Variants in AR observed in about 807,000 individuals in gnomAD.
AR encodes the protein androgen receptor.
A neutral mutation model predicts 53.9 loss-of-function variants in AR; 8 were observed. The observed-to-expected ratio is 0.15, with a 90% CI of 0.09 to 0.27. The LOEUF is 0.27. AR is among the 10% of genes least tolerant of loss of function. The probability of loss-of-function intolerance (pLI) is 1.00; values close to 1 mark genes in which losing one functional copy is unlikely to be tolerated. For synonymous variants in AR, 359 were observed against 316.4 expected (o/e 1.13, Z -1.43); for missense variants, 639 against 742.5 (o/e 0.86, Z 1.62).
At chrX:67,667,925 C>T (rs1465388342) in intron 2 of AR, among the ~76,000 whole-genome samples, 2 of 111,855 alleles carry the variant, frequency 1.8e-5, no homozygotes, top group Admixed American at 9.6e-5. Flanking sequence ...TATCCCGCAA[C>T]TTTACTGAAT....
At position 67,546,385 on chromosome X, in the gene AR, C is replaced by T; in HGVS notation, c.1239C>T (p.Ser413=). ...AGTGCCGCTATGGGGACCTGGCGAG[C>T]CTGCATGGCGCGGGTGCAGCGGGAC... ...AAQCRYGDLA[S]LHGAGAAGPG... Residue 413 remains serine, a synonymous_variant, in exon 1 of 8, where the codon AGC becomes AGT. Transcript: ENST00000374690. 1 of 1,184,336 alleles carries T rather than the reference C, an allele frequency of 8.4e-7. No individual in the cohort carries two copies. Among genetic ancestry groups the T allele is most frequent in the Non-Finnish European group, 1.1e-6 (1 of 882,422 alleles).
chrX:67,677,169 T>C (rs2075905164), intron 2 of AR, among the ~76,000 whole-genome samples: 2 of 111,202 alleles, frequency 1.8e-5, no homozygotes, highest in African/African-American at 6.5e-5. Flanking sequence ...AGAGAGAGAC[T>C]TAGGGTTTGC....
intron 2 of AR, among the ~76,000 whole-genome samples, chrX:67,656,611 G>T (rs1178542298): frequency 8.9e-6 from 1 of 111,898 alleles, no homozygotes; most frequent in African/African-American, 3.2e-5. Flanking sequence ...AATGCTATAA[G>T]ATAGTAGATA....
Position 67,721,818 on chromosome X carries a change from G to GTATC in AR, c.2319-13_2319-10dup. 1.7e-6 allele frequency: 2 copies of GTATC among 1,210,629 alleles called. No homozygotes were observed. The highest frequency in any genetic ancestry group is 2.2e-6 in the Non-Finnish European group (2 of 894,932). ...TTCCCCTCATTCCTTTTTCCTCTGT[G>GTATC]TATCTCCTTCCCAGGTACCGCATGC... On this transcript the variant is annotated splice_polypyrimidine_tract_variant and intron_variant, in intron 5 of 7. Transcript: ENST00000374690.
At chrX:67,602,659 C>G (rs781255387) in intron 1 of AR, among the ~76,000 whole-genome samples, 1 of 111,496 alleles carries the variant, frequency 9.0e-6, no homozygotes, top group African/African-American at 3.3e-5. Context: ...GGCCTCAGAC[C>G]TACAGCCATA....
At chrX:67,602,224 A>G (rs1205107784) in intron 1 of AR, among the ~76,000 whole-genome samples, 1 of 111,994 alleles carries the variant, frequency 8.9e-6, no homozygotes, top group Non-Finnish European at 1.9e-5. Context: ...TTTAATACAA[A>G]AATATTTTTA....
chrX:67,629,972 T>G (rs900844588), intron 1 of AR, among the ~76,000 whole-genome samples: 3 of 111,643 alleles, frequency 2.7e-5, no homozygotes, highest in African/African-American at 9.8e-5. Flanking sequence ...TAATACTGAG[T>G]TCTAGTTTGA....
intron 3 of AR, among the ~76,000 whole-genome samples, chrX:67,692,103 A>G (rs3795189): frequency 8.9e-6 from 1 of 112,178 alleles, no homozygotes; most frequent in East Asian, 2.8e-4. Flanking sequence ...GCTACCACAT[A>G]ACCTCATTGC....
intron 1 of AR, chrX:67,568,861 C>G: frequency 8.5e-7 from 1 of 1,176,587 alleles, no homozygotes; most frequent in Non-Finnish European, 1.1e-6. Flanking sequence ...GAGAGGGATT[C>G]CTCGGAGGTC....
At chrX:67,693,757 C>T (rs773248514) in intron 3 of AR, among the ~76,000 whole-genome samples, 59 of 111,870 alleles carry the variant, frequency 5.3e-4, no homozygotes, top group African/African-American at 1.7e-3. Flanking sequence ...CATCGCTATC[C>T]TGCATCACCT....
intron 3 of AR, among the ~76,000 whole-genome samples, chrX:67,711,004 G>A (rs1237103838): frequency 8.9e-6 from 1 of 112,324 alleles, no homozygotes; most frequent in African/African-American, 3.2e-5. Context: ...TGTCTTTTCT[G>A]TCACCCAGAA....
rs1405175158 is a variant in AR, at chrX:67,724,854, AAGG to A, written c.*1016_*1018del. 1.2e-5 allele frequency: 2 copies of A among 173,130 alleles called. No homozygotes were observed. Among genetic ancestry groups the A allele is most frequent in the Admixed American group, 8.0e-5 (1 of 12,507 alleles). The allele number at this position is 173,130 out of a possible 1,213,427, so 14.3% of individuals were successfully genotyped here. On this transcript the variant is annotated 3_prime_UTR_variant, in exon 8 of 8. Coordinates refer to ENST00000374690, the MANE Select transcript of AR (RefSeq NM_000044.6). ...ACAGAAAAGTCTGACCACTGAGAAG[AAGG>A]AGAGCAGAGATTTAACCCTTTGTAA...
At chrX:67,671,384 C>T (rs1011933495) in intron 2 of AR, among the ~76,000 whole-genome samples, 48 of 112,543 alleles carry the variant, frequency 4.3e-4, no homozygotes, top group African/African-American at 1.5e-3. Context: ...TTGTTGGCAG[C>T]ATAAATGTCT....
At chrX:67,559,969 A>G (rs1921224330) in intron 1 of AR, among the ~76,000 whole-genome samples, 1 of 112,122 alleles carries the variant, frequency 8.9e-6, no homozygotes, top group African/African-American at 3.2e-5. Flanking sequence ...CCTTTTGAAT[A>G]AAAAAGACCA....
intron 1 of AR, among the ~76,000 whole-genome samples, chrX:67,630,128 G>T (rs1230988242): frequency 9.0e-6 from 1 of 111,380 alleles, no homozygotes; most frequent in African/African-American, 3.3e-5. Flanking sequence ...ATTTGGGGTA[G>T]AGAGTTCTGT....
At chrX:67,648,565 C>G (rs1280362292) in intron 2 of AR, among the ~76,000 whole-genome samples, 1 of 111,728 alleles carries the variant, frequency 9.0e-6, no homozygotes, top group South Asian at 3.7e-4. Context: ...CATAACACGA[C>G]TAGACCACAG....
chrX:67,609,468 C>T (rs376813759), intron 1 of AR, among the ~76,000 whole-genome samples: 5 of 111,451 alleles, frequency 4.5e-5, no homozygotes, highest in African/African-American at 1.6e-4. Flanking sequence ...GCTTGATTGA[C>T]TTTGCATTTT....
rs1255492564 is a variant in AR at position 67,545,566 on chromosome X, C to T, written c.420C>T (p.Ala140=). The T allele has an allele frequency of 2.5e-6, 3 of 1,183,356 alleles. No individual in the cohort carries two copies. The highest frequency in any genetic ancestry group is 2.3e-6 in the Non-Finnish European group (2 of 881,323). The change falls in exon 1 of 8, where the codon GCC becomes GCT. Residue 140 remains alanine (A), a synonymous_variant. Coordinates refer to ENST00000374690, the MANE Select transcript of AR (RefSeq NM_000044.6). ...TCCCAGAGCCTGGAGCCGCCGTGGC[C>T]GCCAGCAAGGGGCTGCCGCAGCAGC... ...GCVPEPGAAV[A]ASKGLPQQLP...
chrX:67,682,772 A>G (rs769825657), intron 2 of AR, among the ~76,000 whole-genome samples: 1 of 112,071 alleles, frequency 8.9e-6, no homozygotes, highest in Non-Finnish European at 1.9e-5. Flanking sequence ...TAATTCAGAT[A>G]GGAGAAGTGA....
Sources: gnomAD v4.1 joint callset for allele counts (sites outside exome capture counted in the v4.1 genomes callset) on GRCh38, gnomAD v4.1.1 for gene constraint, MANE v1.5 for transcripts, NCBI Gene and HGNC (gene_info 2026-07-23, HGNC 2026-07-21) for gene names.